SFI1: variants seen among roughly 807,000 people sequenced by gnomAD.
SFI1 encodes protein SFI1 homolog.
Under a neutral mutation model 207.5 loss-of-function variants are expected in SFI1, and 195 were observed. That is an observed-to-expected ratio of 0.94 (90% CI 0.84 to 1.06). SFI1 has a LOEUF of 1.06. Ranked by LOEUF, SFI1 falls within the 50% of genes least tolerant of loss-of-function variation. The probability of loss-of-function intolerance (pLI) is 0.00; values close to 1 mark genes in which losing one functional copy is unlikely to be tolerated. For synonymous variants in SFI1, 630 were observed against 598.9 expected, an observed-to-expected ratio of 1.05 and a Z score of -0.76; for missense variants, 1,634 against 1,588.0, an observed-to-expected ratio of 1.03 and a Z score of -0.49.
At chr22:31,531,031 T>C (rs756731989) in intron 3 of SFI1, 27 bp from the exon 4 acceptor site, 3 of 1,593,476 alleles carry the variant, frequency 1.9e-6, no homozygotes, top group Admixed American at 1.7e-5. Flanking sequence ...TTTTAAAATA[T>C]GTATATGCTT....
chr22:31,581,921 C>T (rs2064229790), intron 12 of SFI1, among the ~76,000 whole-genome samples: 1 of 151,822 alleles, frequency 6.6e-6, no homozygotes, highest in Admixed American at 6.6e-5. Context: ...CAGCATGCGT[C>T]ACTCAGAGAC....
intron 6 of SFI1, among the ~76,000 whole-genome samples, chr22:31,556,010 A>G (rs1316716776): frequency 6.6e-6 from 1 of 152,156 alleles, no homozygotes; most frequent in Non-Finnish European, 1.5e-5. Flanking sequence ...GTGGTAATTT[A>G]CTTATTAGTG....
At chr22:31,587,285 A>C (rs1311146539) in intron 14 of SFI1, 1 of 316,704 alleles carries the variant, frequency 3.2e-6, no homozygotes, top group South Asian at 2.4e-5. Context: ...TGTAGGTTAT[A>C]TGCAGATGCC....
intron 28 of SFI1, 76 bp from the exon 29 acceptor site, chr22:31,614,972 C>T (rs1339133593): frequency 1.3e-6 from 2 of 1,575,208 alleles, no homozygotes; most frequent in African/African-American, 1.3e-5. Flanking sequence ...GGTGGGTGGC[C>T]CCCTTTCCTT....
In SFI1 at chr22:31,578,393, T is replaced by C; in HGVS notation, c.1096T>C (p.Cys366Arg). The C allele has an allele frequency of 6.2e-7, 1 of 1,613,580 alleles. No individual in the cohort carries two copies. The highest frequency in any genetic ancestry group is 8.5e-7 in the Non-Finnish European group (1 of 1,179,642). ...FTHWKHYMLL[C>R]AEEAAQFEMA... ...TCACTTCCTGGCAGACATGCTGCTG[T>C]GTGCAGAAGAAGCTGCCCAGTTTGA... Residue 366 changes from cysteine (C) to arginine (R), a missense_variant, in exon 11 of 33, where the codon TGT (cysteine) becomes CGT (arginine). Transcript: ENST00000400288.
chr22:31,616,777 G>GC lies in SFI1; in HGVS notation c.3338dup (p.Val1114GlyfsTer10). The stretch of plus-strand genomic sequence containing the variant: ...CACAGCGGGCTACTCCTAGGGATAA[G>GC]CCCCCGGTCCCCTCATCCCTGGCCA... On this transcript the variant is annotated frameshift_variant, in exon 30 of 33. Transcript: ENST00000400288. LOFTEE classifies it high-confidence loss of function. 6.3e-7 allele frequency: 1 copy of GC among 1,586,280 alleles called. No homozygotes were observed. The highest frequency in any genetic ancestry group is 8.6e-7 in the Non-Finnish European group (1 of 1,168,178).
chr22:31,527,175 G>A (rs1206686146), intron 2 of SFI1, among the ~76,000 whole-genome samples: 5 of 152,124 alleles, frequency 3.3e-5, no homozygotes, highest in Admixed American at 1.3e-4. Flanking sequence ...GGGATTACAG[G>A]CATGAGCCAC....
chr22:31,542,524 A>G (rs951626232), intron 4 of SFI1, among the ~76,000 whole-genome samples: 2 of 152,022 alleles, frequency 1.3e-5, no homozygotes, highest in Non-Finnish European at 2.9e-5. Context: ...GCTACATGGG[A>G]GGCTTAGGAA....
chr22:31,546,269 G>A (rs1173094220), intron 4 of SFI1, among the ~76,000 whole-genome samples: 13 of 152,018 alleles, frequency 8.6e-5, no homozygotes, highest in Admixed American at 7.2e-4. Flanking sequence ...CTCTGAAAGT[G>A]TTGGTATTAC....
At chr22:31,540,729 C>T (rs537494823) in intron 4 of SFI1, among the ~76,000 whole-genome samples, 4 of 152,084 alleles carry the variant, frequency 2.6e-5, no homozygotes, top group South Asian at 2.1e-4. Flanking sequence ...CATAGGCATG[C>T]GCCACCACGC....
chr22:31,616,900 G>A, intron 30 of SFI1, 23 bp downstream of exon 30: 1 of 1,606,888 alleles, frequency 6.2e-7, no homozygotes, highest in Non-Finnish European at 8.5e-7. Flanking sequence ...GGCCTGTCAG[G>A]GCAGAAAGCA....
chr22:31,578,320 T>G, intron 10 of SFI1, 62 bp from the exon 11 acceptor site: 51 of 1,492,972 alleles, frequency 3.4e-5, no homozygotes, highest in Non-Finnish European at 4.3e-5. Context: ...GGTGGCTTGC[T>G]GAGAATGCAC....
chr22:31,537,425 G>C (rs1179156699), intron 4 of SFI1, among the ~76,000 whole-genome samples: 13 of 152,168 alleles, frequency 8.5e-5, no homozygotes. Flanking sequence ...CTTGGCAGTG[G>C]GTGTTGGGTT....
At position 31,589,444 on chromosome 22, in the gene SFI1, T is replaced by C. The variant is rs202127467; in HGVS notation, c.1414-3T>C. 4.4e-6 allele frequency: 7 copies of C among 1,591,040 alleles called. No individual in the cohort carries two copies. Among genetic ancestry groups the C allele is most frequent in the African/African-American group, 2.7e-5 (2 of 73,528 alleles). ...ACAAAGGTTATTCATTCTTTTACTT[T>C]AGCTGCTACAGGCCAGAGCGGATGG... On this transcript the variant is annotated splice_region_variant and splice_polypyrimidine_tract_variant and intron_variant, in intron 14 of 32. Coordinates refer to ENST00000400288, the MANE Select transcript of SFI1 (RefSeq NM_001007467.3).
At chr22:31,581,688 A>G (rs942053493) in intron 12 of SFI1, among the ~76,000 whole-genome samples, 3 of 152,096 alleles carry the variant, frequency 2.0e-5, no homozygotes, top group African/African-American at 4.8e-5. Context: ...ATGCCAACAT[A>G]TATTGTCTCT....
chr22:31,553,480 C>T (rs988525363), intron 6 of SFI1, among the ~76,000 whole-genome samples: 2 of 150,536 alleles, frequency 1.3e-5, no homozygotes, highest in African/African-American at 2.4e-5. Context: ...CTTAGCCTCC[C>T]GAGTAGCTGG....
At chr22:31,617,113 C>T (rs1290564996) in intron 31 of SFI1, 35 bp downstream of exon 31, 12 of 1,610,418 alleles carry the variant, frequency 7.5e-6, no homozygotes, top group Non-Finnish European at 9.3e-6. Context: ...GCCCTGGCTA[C>T]AGGAGCAGGT....
intron 1 of SFI1, among the ~76,000 whole-genome samples, chr22:31,500,788 GTTTTGTTTTTGTT>G (rs150350098): frequency 0.46 from 68,069 of 148,700 alleles, 15,807 homozygotes; most frequent in Middle Eastern, 0.58. Context: ...GTGTGTGTTT[GTTTTGTTTTTGTT>G]TTTTGTTTTT....
chr22:31,608,373 G>A (rs534002869), intron 22 of SFI1, among the ~76,000 whole-genome samples: 76 of 152,108 alleles, frequency 5.0e-4, no homozygotes, highest in South Asian at 2.7e-3. Context: ...TTGACATATC[G>A]TTCCCTTCCT....
Sources: gnomAD v4.1 joint callset for allele counts (sites outside exome capture counted in the v4.1 genomes callset) on GRCh38, gnomAD v4.1.1 for gene constraint, MANE v1.5 for transcripts, NCBI Gene and HGNC (gene_info 2026-07-23, HGNC 2026-07-21) for gene names.